NSDHL: variants seen among roughly 807,000 people sequenced by gnomAD.
NSDHL encodes the protein sterol-4-alpha-carboxylate 3-dehydrogenase, decarboxylating.
Under a neutral mutation model 23.0 loss-of-function variants are expected in NSDHL, and 1 was observed. The observed-to-expected ratio is 0.04, with a 90% CI of 0.02 to 0.21. The LOEUF is 0.21. Ranked by LOEUF, NSDHL falls within the 10% of genes least tolerant of loss-of-function variation. The pLI is 1.00. For missense variants in NSDHL, 237 were observed against 300.9 expected (o/e 0.79, Z 1.57); for synonymous variants, 128 against 121.1 (o/e 1.06, Z -0.37).
chrX:152,866,763 G>A (rs1023988246), intron 6 of NSDHL, among the ~76,000 whole-genome samples: 1 of 112,511 alleles, frequency 8.9e-6, no homozygotes, highest in African/African-American at 3.2e-5. Flanking sequence ...ACCCCAGTAT[G>A]AGCTCAGCTT....
rs1362346262 is a variant in NSDHL at position 152,869,545 on chromosome X, T to G, written c.*429T>G. The G allele has an allele frequency of 5.6e-6, 1 of 178,725 alleles. No homozygotes were observed. Among genetic ancestry groups the G allele is most frequent in the South Asian group, 1.2e-4 (1 of 8,485 alleles). 14.7% of individuals were successfully genotyped at this position (178,725 alleles called of 1,213,427 possible). A position where few individuals can be genotyped will look rare whatever the true frequency, so the allele number is the denominator to read the frequency against. On this transcript the variant is annotated 3_prime_UTR_variant, in exon 8 of 8. Transcript: ENST00000370274. ...TGAAGCCTCTAGACTTTGTTCAAGA[T>G]ACTCTATCTTCAAAATATCCCAGAA... is the stretch of plus-strand genomic sequence containing the variant.
chrX:152,869,228 T>C lies in NSDHL; in HGVS notation c.*112T>C. 3 of 655,547 alleles carry C rather than the reference T, an allele frequency of 4.6e-6. No homozygotes were observed. The South Asian group carries it at 7.0e-5, about 15-fold the overall frequency. The allele number at this position is 655,547 out of a possible 1,213,427, so 54.0% of individuals were successfully genotyped here. Reference sequence around the variant, plus strand: ...GAGTTTGCTCTGAGCCTGTGACTCCTTCTGCTAGGCAGAGAGCGCACCCTA... The same window carrying C: ...GAGTTTGCTCTGAGCCTGTGACTCCCTCTGCTAGGCAGAGAGCGCACCCTA... On this transcript the variant is annotated 3_prime_UTR_variant, in exon 8 of 8. Coordinates refer to ENST00000370274, the MANE Select transcript of NSDHL (RefSeq NM_015922.3).
intron 3 of NSDHL, among the ~76,000 whole-genome samples, chrX:152,853,709 C>T (rs1933395680): frequency 1.8e-5 from 2 of 112,306 alleles, no homozygotes; most frequent in South Asian, 3.7e-4. Context: ...ACACTGGCCA[C>T]CAACCAAGTT....
chrX:152,852,837 C>A (rs1250308282), intron 3 of NSDHL, among the ~76,000 whole-genome samples: 4 of 110,614 alleles, frequency 3.6e-5, no homozygotes, highest in Non-Finnish European at 7.6e-5. Flanking sequence ...CTTGAGGCAA[C>A]CATATCTGGT....
chrX:152,867,641 C>A lies in NSDHL; in HGVS notation c.757C>A (p.Gln253Lys), dbSNP rs141571609. The A allele has an allele frequency of 1.7e-6, 2 of 1,208,170 alleles. No homozygotes were observed. Among genetic ancestry groups the A allele is most frequent in the Non-Finnish European group, 2.2e-6 (2 of 892,078 alleles). Residue 253 changes from glutamine to lysine, a missense_variant, in exon 7 of 8, where the codon CAG becomes AAG. Gln to Lys is a moderately conservative substitution (Grantham distance 53). This residue lies in a region of NSDHL where 117 missense variants were observed against 99.5 expected (regional missense o/e 1.18). Transcript: ENST00000370274. ...VVHGHILAAE[Q>K]LSRDSTLGGK... ...CCATGGACACATCCTGGCGGCAGAG[C>A]AGCTCTCCCGAGACTCGACACTGGG...
At chrX:152,868,053 G>C (rs782168043) in intron 7 of NSDHL, among the ~76,000 whole-genome samples, 1 of 110,590 alleles carries the variant, frequency 9.0e-6, no homozygotes, top group East Asian at 2.9e-4. Context: ...CTTGCTGTTT[G>C]GTCCTCTTTT....
chrX:152,832,326 G>T (rs1287930509), intron 1 of NSDHL, among the ~76,000 whole-genome samples: 1 of 111,646 alleles, frequency 9.0e-6, no homozygotes, highest in East Asian at 2.8e-4. Context: ...GCTCTTTGTT[G>T]TCCCTCCACT....
At chrX:152,850,906 A>G (rs941975141) in intron 3 of NSDHL, among the ~76,000 whole-genome samples, 1 of 111,972 alleles carries the variant, frequency 8.9e-6, no homozygotes, top group Non-Finnish European at 1.9e-5. Context: ...ATTACCCCAA[A>G]ATGAAATCTT....
At chrX:152,868,710 G>A in intron 7 of NSDHL, 74 bp from the exon 8 acceptor site, 6 of 901,333 alleles carry the variant, frequency 6.7e-6, no homozygotes, top group South Asian at 2.0e-5. Context: ...CGATCTGCAC[G>A]GGCTTAATAG....
chrX:152,845,177 T>C (rs1426472012), intron 1 of NSDHL, among the ~76,000 whole-genome samples: 2 of 112,152 alleles, frequency 1.8e-5, no homozygotes, highest in Admixed American at 9.4e-5. Context: ...CATTTTGGCT[T>C]TCTACATGCC....
chrX:152,862,490 GC>G, intron 4 of NSDHL, 105 bp from the exon 5 acceptor site: 1 of 755,116 alleles, frequency 1.3e-6, no homozygotes, highest in Non-Finnish European at 2.0e-6. Context: ...TGCCTCGAAT[GC>G]GAGGGCAACA....
chrX:152,869,061 A>T lies in NSDHL; in HGVS notation c.1067A>T (p.Asp356Val). ...GGCTACCAGCCACTAGTGACCATGG[A>T]TGATGCTATGGAGAGGACCGTGCAG... ...AMGYQPLVTMDDAMERTVQSF... is the reference protein window; with the variant it reads ...AMGYQPLVTMVDAMERTVQSF... Residue 356 changes from aspartate to valine, a missense_variant, in exon 8 of 8, where the codon GAT becomes GTT. Asp to Val is a radical substitution (Grantham distance 152, BLOSUM62 -3). Coordinates refer to ENST00000370274, the MANE Select transcript of NSDHL (RefSeq NM_015922.3). The T allele has an allele frequency of 8.3e-7, 1 of 1,212,121 alleles. No homozygotes were observed.
At chrX:152,837,975 C>T (rs1316667314) in intron 1 of NSDHL, among the ~76,000 whole-genome samples, 2 of 111,567 alleles carry the variant, frequency 1.8e-5, no homozygotes, top group East Asian at 2.8e-4. Context: ...AATTTCAGAG[C>T]CTGTTATTGG....
chrX:152,845,188 C>T (rs1602928527), intron 1 of NSDHL, among the ~76,000 whole-genome samples: 1 of 111,848 alleles, frequency 8.9e-6, no homozygotes, highest in Non-Finnish European at 1.9e-5. Context: ...TCTACATGCC[C>T]GTAAAGTCTG....
intron 2 of NSDHL, among the ~76,000 whole-genome samples, chrX:152,849,322 G>A (rs1291175176): frequency 8.9e-6 from 1 of 112,014 alleles, no homozygotes; most frequent in Non-Finnish European, 1.9e-5. Flanking sequence ...GAAATTGGAG[G>A]TTGTCATCTT....
intron 3 of NSDHL, among the ~76,000 whole-genome samples, chrX:152,853,445 C>T (rs1933391457): frequency 9.0e-6 from 1 of 111,440 alleles, no homozygotes; most frequent in Admixed American, 9.5e-5. Flanking sequence ...GATCCCCAAT[C>T]CAACAACTTC....
At chrX:152,842,867 A>G (rs1490253453) in intron 1 of NSDHL, among the ~76,000 whole-genome samples, 1 of 111,976 alleles carries the variant, frequency 8.9e-6, no homozygotes, top group Non-Finnish European at 1.9e-5. Context: ...AGAAATGTCT[A>G]TTCAGTCAGA....
intron 1 of NSDHL, among the ~76,000 whole-genome samples, chrX:152,841,276 C>T (rs782797755): frequency 8.8e-6 from 1 of 113,034 alleles, no homozygotes; most frequent in South Asian, 3.6e-4. Flanking sequence ...TAAGGCAACG[C>T]CGTGCCCTGC....
At position 152,869,136 on chromosome X, in the gene NSDHL, TC is replaced by T. The variant is rs782770511; in HGVS notation, c.*21del. ...AAGTGAGGGACACTGGAGGCTGGGCTCTCTCGACACGTTGCTCAGCCAGTCA... is the reference window on the plus strand; with the variant it reads ...AAGTGAGGGACACTGGAGGCTGGGCTTCTCGACACGTTGCTCAGCCAGTCA... On this transcript the variant is annotated 3_prime_UTR_variant, in exon 8 of 8. Coordinates refer to ENST00000370274, the MANE Select transcript of NSDHL (RefSeq NM_015922.3). The T allele has an allele frequency of 3.5e-6, 4 of 1,143,573 alleles. No individual in the cohort carries two copies. The highest frequency in any genetic ancestry group is 2.4e-4 in the Middle Eastern group (1 of 4,117). 94.2% of individuals were successfully genotyped at this position (1,143,573 alleles called of 1,213,427 possible).
Sources: gnomAD v4.1 joint callset for allele counts (sites outside exome capture counted in the v4.1 genomes callset) on GRCh38, gnomAD v4.1.1 for gene constraint, gnomAD v4.1.1 regional missense constraint, MANE v1.5 for transcripts, NCBI Gene and HGNC (gene_info 2026-07-23, HGNC 2026-07-21) for gene names.